TIMP2: variants seen among roughly 807,000 people sequenced by gnomAD.
TIMP2 encodes the protein metalloproteinase inhibitor 2.
A neutral mutation model predicts 24.3 loss-of-function variants in TIMP2; 5 were observed. That is an observed-to-expected ratio of 0.21 (90% CI 0.11 to 0.43). The LOEUF (loss-of-function observed/expected upper bound fraction) is 0.43, where lower values mean the gene tolerates loss of function less well. TIMP2 is among the 20% of genes least tolerant of loss of function. The pLI is 1.00. For missense variants in TIMP2, 221 were observed against 297.5 expected (o/e 0.74, Z 1.89); for synonymous variants, 130 against 123.2 (o/e 1.06, Z -0.37).
intron 1 of TIMP2, among the ~76,000 whole-genome samples, chr17:78,888,230 G>A (rs1191793947): frequency 6.7e-6 from 1 of 149,298 alleles, no homozygotes; most frequent in Non-Finnish European, 1.5e-5. Flanking sequence ...CGCAATCTTG[G>A]CTCACTGCAA....
At chr17:78,893,835 C>G (rs1331743113) in intron 1 of TIMP2, among the ~76,000 whole-genome samples, 1 of 152,088 alleles carries the variant, frequency 6.6e-6, no homozygotes, top group African/African-American at 2.4e-5. Flanking sequence ...CTTTGGCAGG[C>G]CTTCCTAGGA....
At chr17:78,887,629 C>A (rs1477554725) in intron 1 of TIMP2, among the ~76,000 whole-genome samples, 2 of 152,038 alleles carry the variant, frequency 1.3e-5, no homozygotes, top group Non-Finnish European at 2.9e-5. Context: ...AAGTGATCCA[C>A]CTGCCTCGGC....
intron 1 of TIMP2, among the ~76,000 whole-genome samples, chr17:78,889,673 C>T (rs1360320735): frequency 6.6e-6 from 1 of 152,154 alleles, no homozygotes; most frequent in African/African-American, 2.4e-5. Context: ...TGCCTGTGGC[C>T]CCTGAAAACA....
chr17:78,873,273 G>GCCCTGCCCT (rs1222285732), intron 2 of TIMP2, among the ~76,000 whole-genome samples: 3 of 150,222 alleles, frequency 2.0e-5, no homozygotes, highest in South Asian at 4.2e-4. Flanking sequence ...CCCAGGCCAG[G>GCCCTGCCCT]CCCTGCCCTC....
chr17:78,876,207 G>A (rs1035431575), intron 1 of TIMP2, among the ~76,000 whole-genome samples: 4 of 151,974 alleles, frequency 2.6e-5, no homozygotes, highest in South Asian at 2.1e-4. Context: ...AAATATGAGC[G>A]CCTTTGCAAC....
At chr17:78,862,365 T>C (rs970742214) in intron 3 of TIMP2, among the ~76,000 whole-genome samples, 1 of 152,204 alleles carries the variant, frequency 6.6e-6, no homozygotes. Context: ...CCAGATTCAA[T>C]GTGGAGTCAT....
At chr17:78,905,551 A>C (rs7502916) in intron 1 of TIMP2, among the ~76,000 whole-genome samples, 64,150 of 152,088 alleles carry the variant, frequency 0.42, 13,615 homozygotes, top group Middle Eastern at 0.48. Flanking sequence ...TCTAGTGAGG[A>C]GGAAATAGCA....
At chr17:78,866,992 G>T (rs1382570579) in intron 3 of TIMP2, among the ~76,000 whole-genome samples, 1 of 152,218 alleles carries the variant, frequency 6.6e-6, no homozygotes, top group Non-Finnish European at 1.5e-5. Context: ...CGGGCGCGGT[G>T]GCTCACGCCT....
Position 78,890,827 on chromosome 17 carries a change from T to TC in TIMP2, c.131-16909dup, listed in dbSNP as rs764425272. The TC allele has an allele frequency of 7.5e-5, 117 of 1,550,630 alleles. No individual in the cohort carries two copies. The African/African-American group carries it at 1.5e-3, about 19-fold the overall frequency. On this transcript the variant is annotated intron_variant, in intron 1 of 4. Coordinates refer to ENST00000262768, the MANE Select transcript of TIMP2 (RefSeq NM_003255.5). ...CAGATCCTCTCTCCCTTTCCTGGGC[T>TC]CTCGTGGAGGAGGACTTCAGATGGG...
chr17:78,894,087 C>T (rs1165286052), intron 1 of TIMP2, among the ~76,000 whole-genome samples: 1 of 152,190 alleles, frequency 6.6e-6, no homozygotes, highest in Non-Finnish European at 1.5e-5. Context: ...TCAGAAAATA[C>T]TGCATCTACA....
chr17:78,912,830 GCC>G (rs2070221094), intron 1 of TIMP2, among the ~76,000 whole-genome samples: 7 of 152,144 alleles, frequency 4.6e-5, no homozygotes, highest in Admixed American at 3.3e-4. Flanking sequence ...CTTGATCACC[GCC>G]ATTCAACTCT....
intron 1 of TIMP2, among the ~76,000 whole-genome samples, chr17:78,887,605 G>T (rs1020385544): frequency 6.6e-6 from 1 of 151,886 alleles, no homozygotes; most frequent in Non-Finnish European, 1.5e-5. Context: ...GGCTGGCCTC[G>T]AACTCATGAC....
At chr17:78,892,422 C>T (rs1251207558) in intron 1 of TIMP2, 1 of 1,549,868 alleles carries the variant, frequency 6.5e-7, no homozygotes, top group Admixed American at 2.0e-5. Context: ...GCCCCCGGGC[C>T]TGAGGAGCCA....
chr17:78,889,904 G>C (rs2069863407), intron 1 of TIMP2, among the ~76,000 whole-genome samples: 1 of 152,200 alleles, frequency 6.6e-6, no homozygotes, highest in South Asian at 2.1e-4. Context: ...CGGATCACGA[G>C]ATCAGGAGTT....
rs1555652984 is a variant in TIMP2, at chr17:78,918,078, A to ACACTCT, written c.130+6880_130+6881insAGAGTG. ...CGTGCACACACAAACACACACACAC[A>ACACTCT]CACACACACACACACACACACAACT... On this transcript the variant is annotated intron_variant, in intron 1 of 4. Transcript: ENST00000262768. Among the ~76,000 whole-genome samples the ACACTCT allele has an allele frequency of 2.0e-3, 294 of 149,254 alleles. 2 individuals carry two copies. Among genetic ancestry groups the ACACTCT allele is most frequent in the Non-Finnish European group, 3.2e-3 (216 of 67,308 alleles).
intron 1 of TIMP2, among the ~76,000 whole-genome samples, chr17:78,895,614 A>G (rs1013235601): frequency 3.3e-5 from 5 of 152,240 alleles, no homozygotes; most frequent in African/African-American, 1.2e-4. Flanking sequence ...CCTATGACCC[A>G]GAGATTCCAC....
At chr17:78,911,613 T>C (rs1305984701) in intron 1 of TIMP2, among the ~76,000 whole-genome samples, 1 of 151,846 alleles carries the variant, frequency 6.6e-6, no homozygotes, top group Non-Finnish European at 1.5e-5. Context: ...ATATTTTTAG[T>C]AGAGATGGGG....
intron 1 of TIMP2, chr17:78,890,783 G>T (rs909415275): frequency 9.0e-6 from 14 of 1,550,498 alleles, no homozygotes; most frequent in Non-Finnish European, 1.1e-5. Flanking sequence ...GGTGCCCGAT[G>T]GGGAAGTGGT....
At chr17:78,892,995 A>C (rs928273910) in intron 1 of TIMP2, among the ~76,000 whole-genome samples, 4 of 152,160 alleles carry the variant, frequency 2.6e-5, no homozygotes, top group African/African-American at 9.7e-5. Context: ...GGGCCTCTGG[A>C]GGGAGAATTG....
Sources: gnomAD v4.1 joint callset for allele counts (sites outside exome capture counted in the v4.1 genomes callset) on GRCh38, gnomAD v4.1.1 for gene constraint, MANE v1.5 for transcripts, NCBI Gene and HGNC (gene_info 2026-07-23, HGNC 2026-07-21) for gene names.